ACOXL: variants seen among roughly 807,000 people sequenced by gnomAD.
The protein encoded by ACOXL is acyl-coenzyme A oxidase-like protein.
A neutral mutation model predicts 71.9 loss-of-function variants in ACOXL; 70 were observed. That is an observed-to-expected ratio of 0.97 (90% CI 0.80 to 1.19). The LOEUF is 1.19. ACOXL is among the 50% of genes most tolerant of loss of function. The pLI, the probability that ACOXL is intolerant of heterozygous loss-of-function variation, is 0.00. For synonymous variants in ACOXL, 253 were observed against 281.6 expected (o/e 0.90, Z 1.02); for missense variants, 703 against 736.3 (o/e 0.95, Z 0.52).
Position 110,922,460 on chromosome 2 carries a change from T to A in ACOXL, c.906-11029T>A, listed in dbSNP as rs543296428. The stretch of plus-strand genomic sequence containing the variant: ...TTACAGAGGCAAGACTGTGTATACA[T>A]TTGCTTCTCAGTCAACTATTTGCAA... On this transcript the variant is annotated intron_variant, in intron 11 of 17. Transcript: ENST00000439055. 6.6e-5 allele frequency among the ~76,000 whole-genome samples: 10 copies of A among 152,310 alleles called. No individual in the cohort carries two copies. In the East Asian group the frequency reaches 1.9e-3, roughly 29 times the overall value.
At position 110,863,125 on chromosome 2, in the gene ACOXL, A is replaced by G. The variant is rs577538844; in HGVS notation, c.788+21720A>G. ...ATTCCAATAAAATAACCCAAGATGC[A>G]GAAAACATTTCATGCAACAAAGATG... On this transcript the variant is annotated intron_variant, in intron 10 of 17. Coordinates refer to ENST00000439055, the MANE Select transcript of ACOXL (RefSeq NM_001142807.4). 5.9e-5 allele frequency among the ~76,000 whole-genome samples: 9 copies of G among 152,378 alleles called. No individual in the cohort carries two copies. In the South Asian group the frequency reaches 1.7e-3, roughly 28 times the overall value.
intron 16 of ACOXL, among the ~76,000 whole-genome samples, chr2:111,057,444 CCT>C (rs1421097477): frequency 2.0e-5 from 3 of 152,116 alleles, no homozygotes; most frequent in Admixed American, 1.3e-4. Context: ...ACTTTACGGG[CCT>C]TCCAGTAGTT....
chr2:110,968,394 CA>C, intron 12 of ACOXL: 1 of 1,156,398 alleles, frequency 8.6e-7, no homozygotes, highest in Non-Finnish European at 1.3e-6. Flanking sequence ...ATTCTGAAAG[CA>C]AGGAATTTAA....
intron 1 of ACOXL, among the ~76,000 whole-genome samples, chr2:110,741,455 C>T (rs1165928987): frequency 1.3e-5 from 2 of 152,152 alleles, no homozygotes; most frequent in Admixed American, 6.5e-5. Flanking sequence ...GGACACCAGT[C>T]AATATCTGAA....
At chr2:110,809,111 G>A (rs1687008187) in intron 9 of ACOXL, among the ~76,000 whole-genome samples, 1 of 152,260 alleles carries the variant, frequency 6.6e-6, no homozygotes, top group African/African-American at 2.4e-5. Flanking sequence ...TGTTGAGTGG[G>A]AAGGAGGATG....
intron 1 of ACOXL, among the ~76,000 whole-genome samples, chr2:110,733,718 G>T (rs1294857425): frequency 6.6e-6 from 1 of 152,184 alleles, no homozygotes; most frequent in Non-Finnish European, 1.5e-5. Flanking sequence ...CTAGTGGGGA[G>T]TTGGGGGCGT....
intron 1 of ACOXL, 123 bp from the exon 2 acceptor site, chr2:110,768,245 C>A: frequency 1.4e-6 from 1 of 697,594 alleles, no homozygotes; most frequent in Non-Finnish European, 2.5e-6. Context: ...ACACAGTGTG[C>A]ACAGTATCAA....
At chr2:110,929,963 C>T (rs2060419312) in intron 11 of ACOXL, among the ~76,000 whole-genome samples, 2 of 152,178 alleles carry the variant, frequency 1.3e-5, no homozygotes, top group African/African-American at 4.8e-5. Context: ...GGGGCGGGGC[C>T]CTCATGGAGA....
At chr2:110,882,125 A>G (rs1373363538) in intron 10 of ACOXL, among the ~76,000 whole-genome samples, 1 of 152,196 alleles carries the variant, frequency 6.6e-6, no homozygotes, top group African/African-American at 2.4e-5. Context: ...ACTCTCAACA[A>G]TCCTTAGCGT....
intron 2 of ACOXL, among the ~76,000 whole-genome samples, chr2:110,773,962 G>A (rs1682315414): frequency 1.3e-5 from 2 of 152,186 alleles, no homozygotes; most frequent in Admixed American, 6.5e-5. Context: ...CAGGGAGTGA[G>A]CTGGACCTGC....
At chr2:110,926,060 T>C (rs1165467361) in intron 11 of ACOXL, among the ~76,000 whole-genome samples, 1 of 152,098 alleles carries the variant, frequency 6.6e-6, no homozygotes, top group Non-Finnish European at 1.5e-5. Context: ...CACACACATT[T>C]ACCAATTAAG....
chr2:110,857,605 GTC>G (rs1268090556), intron 10 of ACOXL, among the ~76,000 whole-genome samples: 1 of 152,152 alleles, frequency 6.6e-6, no homozygotes, highest in African/African-American at 2.4e-5. Context: ...CCTATTATTT[GTC>G]TCTTAGTTTC....
intron 11 of ACOXL, among the ~76,000 whole-genome samples, chr2:110,919,104 G>A (rs1285929673): frequency 5.3e-5 from 2 of 37,970 alleles, no homozygotes; most frequent in Non-Finnish European, 1.3e-4. Flanking sequence ...ACATGCACAG[G>A]TAGGTATGTT....
At chr2:110,844,953 T>TA (rs1435310714) in intron 10 of ACOXL, among the ~76,000 whole-genome samples, 3 of 152,208 alleles carry the variant, frequency 2.0e-5, no homozygotes, top group African/African-American at 7.2e-5. Flanking sequence ...GTTCCCTCTT[T>TA]AAAAATCCTA....
rs75877321 is a variant in ACOXL at position 110,971,152 on chromosome 2, T to C, written c.1060-15956T>C. On this transcript the variant is annotated intron_variant, in intron 12 of 17. Coordinates refer to ENST00000439055, the MANE Select transcript of ACOXL (RefSeq NM_001142807.4). ...AACAAACAATCCAATTAGAAAGTGGTCAAAAAAACATCAACAGACATTTCA... is the reference window on the plus strand; with the variant it reads ...AACAAACAATCCAATTAGAAAGTGGCCAAAAAAACATCAACAGACATTTCA... 8.9e-4 allele frequency among the ~76,000 whole-genome samples: 135 copies of C among 152,044 alleles called. 1 individual carries two copies. In the East Asian group the frequency reaches 0.023, roughly 26 times the overall value.
intron 9 of ACOXL, among the ~76,000 whole-genome samples, chr2:110,828,799 A>G (rs1689470471): frequency 6.6e-6 from 1 of 151,032 alleles, no homozygotes; most frequent in Non-Finnish European, 1.5e-5. Context: ...GGAATCACCC[A>G]CTTGTACTAT....
At chr2:110,879,384 A>G (rs560093563) in intron 10 of ACOXL, among the ~76,000 whole-genome samples, 1 of 152,278 alleles carries the variant, frequency 6.6e-6, no homozygotes, top group African/African-American at 2.4e-5. Flanking sequence ...TGAAGGAAAA[A>G]TGATGTAGCC....
intron 12 of ACOXL, among the ~76,000 whole-genome samples, chr2:110,945,528 A>G (rs2061068463): frequency 6.6e-6 from 1 of 152,192 alleles, no homozygotes; most frequent in African/African-American, 2.4e-5. Flanking sequence ...TATATGCTGT[A>G]AGGAACGGGT....
At chr2:111,013,097 G>A (rs566035555) in intron 14 of ACOXL, among the ~76,000 whole-genome samples, 10 of 151,952 alleles carry the variant, frequency 6.6e-5, no homozygotes, top group African/African-American at 2.2e-4. Flanking sequence ...GAATGAAAGC[G>A]GATATTATAA....
Sources: gnomAD v4.1 joint callset for allele counts (sites outside exome capture counted in the v4.1 genomes callset) on GRCh38, gnomAD v4.1.1 for gene constraint, MANE v1.5 for transcripts, NCBI Gene and HGNC (gene_info 2026-07-23, HGNC 2026-07-21) for gene names.